MAP3K15: variants seen among roughly 807,000 people sequenced by gnomAD.
The protein encoded by MAP3K15 is mitogen-activated protein kinase kinase kinase 15.
In MAP3K15, 124 loss-of-function variants were observed where a neutral mutation model predicts 99.5. The observed-to-expected ratio is 1.25, with a 90% confidence interval of 1.08 to 1.45. MAP3K15 has a LOEUF of 1.45. Among genes scored for constraint, MAP3K15 ranks in the 40% most tolerant of loss-of-function variants. The pLI is 0.00. For missense variants in MAP3K15, 1,242 were observed against 1,079.7 expected (o/e 1.15, Z -2.11); for synonymous variants, 494 against 439.6 (o/e 1.12, Z -1.55).
chrX:19,404,181 T>C (rs915848164), intron 13 of MAP3K15, among the ~76,000 whole-genome samples: 2 of 111,676 alleles, frequency 1.8e-5, no homozygotes, highest in African/African-American at 6.5e-5. Flanking sequence ...AGTTACAAAA[T>C]CAACATTTAC....
At chrX:19,392,273 A>G in intron 17 of MAP3K15, 70 bp downstream of exon 17, 1 of 1,123,187 alleles carries the variant, frequency 8.9e-7, no homozygotes, top group Non-Finnish European at 1.2e-6. Flanking sequence ...GTCACTCAGC[A>G]GACACCATCG....
chrX:19,431,352 C>T (rs1186530715), intron 7 of MAP3K15, 86 bp downstream of exon 7: 4 of 901,546 alleles, frequency 4.4e-6, no homozygotes, highest in South Asian at 2.6e-5. Flanking sequence ...CAGACATATA[C>T]ATAAGGAAGA....
intron 4 of MAP3K15, 33 bp downstream of exon 4, chrX:19,464,180 C>G: frequency 8.7e-7 from 1 of 1,144,059 alleles, no homozygotes; most frequent in Non-Finnish European, 1.2e-6. Flanking sequence ...CTTGGTGAGT[C>G]TCCAGGGGTT....
chrX:19,376,481 G>A (rs2063418782), intron 19 of MAP3K15, among the ~76,000 whole-genome samples: 1 of 107,241 alleles, frequency 9.3e-6, no homozygotes, highest in South Asian at 4.2e-4. Context: ...GGTCTCACTT[G>A]GTCACCCAGG....
intron 1 of MAP3K15, among the ~76,000 whole-genome samples, chrX:19,507,818 C>A (rs2064489924): frequency 9.1e-6 from 1 of 109,962 alleles, no homozygotes; most frequent in African/African-American, 3.3e-5. Flanking sequence ...CCTACAACTG[C>A]TCTAAAAAAC....
intron 3 of MAP3K15, among the ~76,000 whole-genome samples, chrX:19,474,731 C>T (rs762209315): frequency 9.9e-5 from 11 of 110,865 alleles, no homozygotes; most frequent in African/African-American, 3.3e-4. Context: ...ACAGTTCCTG[C>T]GGAGATCTCA....
At chrX:19,422,020 A>C (rs1225168164) in intron 9 of MAP3K15, among the ~76,000 whole-genome samples, 4 of 111,239 alleles carry the variant, frequency 3.6e-5, no homozygotes, top group South Asian at 3.8e-4. Flanking sequence ...ACCTTATGCA[A>C]AAATTAATTC....
chrX:19,475,506 G>T (rs902394361), intron 3 of MAP3K15, among the ~76,000 whole-genome samples: 3 of 110,993 alleles, frequency 2.7e-5, no homozygotes, highest in African/African-American at 6.6e-5. Flanking sequence ...CCCCTAAAAG[G>T]CTAAAAACCC....
At position 19,373,685 on chromosome X, in the gene MAP3K15, G is replaced by T; in HGVS notation, c.2784C>A (p.Arg928=). 8.3e-7 allele frequency: 1 copy of T among 1,199,294 alleles called. No individual in the cohort carries two copies. Among genetic ancestry groups the T allele is most frequent in the Non-Finnish European group, 1.1e-6 (1 of 894,151 alleles). The stretch of plus-strand genomic sequence containing the variant: ...GTGTGGGCAGGGCCAGGACGACACC[G>T]CGGGGACCTTCTGTAGGGGGACAGC... ...RIAFKPSEGP[R]GVVLALPTQG... The change falls in exon 21 of 29, where the codon CGC becomes CGA. Residue 928 remains arginine (R), a synonymous_variant. Coordinates refer to ENST00000338883, the MANE Select transcript of MAP3K15 (RefSeq NM_001001671.4).
chrX:19,471,947 G>A (rs2064210170), intron 3 of MAP3K15, among the ~76,000 whole-genome samples: 1 of 111,899 alleles, frequency 8.9e-6, no homozygotes, highest in South Asian at 3.7e-4. Flanking sequence ...AAGGGGCCGG[G>A]CGCGGTGGCT....
intron 6 of MAP3K15, among the ~76,000 whole-genome samples, chrX:19,439,308 G>C (rs1445692200): frequency 8.9e-6 from 1 of 111,760 alleles, no homozygotes; most frequent in Non-Finnish European, 1.9e-5. Flanking sequence ...AATTAAACCT[G>C]TTTTCTTTAT....
At chrX:19,372,888 T>C in intron 21 of MAP3K15, 61 bp from the exon 22 acceptor site, 1 of 1,107,618 alleles carries the variant, frequency 9.0e-7, no homozygotes, top group South Asian at 2.0e-5. Flanking sequence ...TGGGAGTGTG[T>C]CATGTTAGGA....
chrX:19,512,932 A>C (rs773180538), intron 1 of MAP3K15, among the ~76,000 whole-genome samples: 2 of 111,719 alleles, frequency 1.8e-5, no homozygotes, highest in African/African-American at 3.3e-5. Flanking sequence ...TTTTTGGTGG[A>C]AACATCAAAA....
intron 25 of MAP3K15, among the ~76,000 whole-genome samples, chrX:19,366,919 CATAT>C (rs2063338589): frequency 1.8e-5 from 2 of 111,666 alleles, no homozygotes; most frequent in Non-Finnish European, 3.8e-5. Flanking sequence ...CCTTCAAACC[CATAT>C]ATAATCATTT....
intron 10 of MAP3K15, 29 bp downstream of exon 10, chrX:19,415,078 T>A (rs951291391): frequency 3.7e-6 from 4 of 1,078,875 alleles, no homozygotes; most frequent in Non-Finnish European, 4.8e-6. Flanking sequence ...TTCCTAATCT[T>A]AAAAAAAAAT....
intron 1 of MAP3K15, among the ~76,000 whole-genome samples, chrX:19,501,596 A>T (rs1433302790): frequency 8.9e-6 from 1 of 112,203 alleles, no homozygotes; most frequent in Non-Finnish European, 1.9e-5. Flanking sequence ...ACCACATAAG[A>T]TCTGCTTTAT....
rs776018250 is a variant in MAP3K15 at position 19,422,687 on chromosome X, C to T, written c.1439+2844G>A. Reference sequence around the variant, plus strand: ...GCCATCCCATTACTGGGTATATACCCAAAGGATTATAAATCATGCTGCTAT... The same window carrying T: ...GCCATCCCATTACTGGGTATATACCTAAAGGATTATAAATCATGCTGCTAT... On this transcript the variant is annotated intron_variant, in intron 9 of 28. Transcript: ENST00000338883. 4.0e-3 allele frequency among the ~76,000 whole-genome samples: 444 copies of T among 111,717 alleles called. 3 individuals carry two copies. The highest frequency in any genetic ancestry group is 0.014 in the African/African-American group (416 of 30,746).
At chrX:19,367,208 C>T (rs2147206595) in intron 25 of MAP3K15, among the ~76,000 whole-genome samples, 1 of 111,527 alleles carries the variant, frequency 9.0e-6, no homozygotes, top group South Asian at 3.8e-4. Context: ...AGCCGGAGGC[C>T]ATTATCCTTA....
chrX:19,370,795 A>C (rs1362798796), intron 24 of MAP3K15, among the ~76,000 whole-genome samples, 164 bp downstream of exon 24: 1 of 112,146 alleles, frequency 8.9e-6, no homozygotes, highest in African/African-American at 3.2e-5. Context: ...TGCTCTCAGA[A>C]CTACAGAATC....
Sources: allele counts gnomAD v4.1 joint callset (sites outside exome capture counted in the v4.1 genomes callset), GRCh38; gene constraint gnomAD v4.1.1; transcripts MANE v1.5; gene names NCBI Gene and HGNC (gene_info 2026-07-23, HGNC 2026-07-21).